The following EPHA5 variants were observed in gnomAD, a reference collection of about 807,000 sequenced individuals.
The protein encoded by EPHA5 is EPH receptor A5.
EPHA5 carries 60 observed loss-of-function variants against 105.0 expected under a neutral mutation model. The observed-to-expected ratio is 0.57, with a 90% CI of 0.46 to 0.71. EPHA5 has a LOEUF of 0.71. Ranked by LOEUF, EPHA5 falls within the 30% of genes least tolerant of loss-of-function variation. EPHA5 has a pLI of 0.00. For synonymous variants in EPHA5, 513 were observed against 449.1 expected (o/e 1.14, Z -1.80); for missense variants, 1,218 against 1,274.7 (o/e 0.96, Z 0.68).
chr4:65,537,452 C>T (rs1736396832), intron 3 of EPHA5, among the ~76,000 whole-genome samples: 1 of 151,776 alleles, frequency 6.6e-6, no homozygotes, highest in Admixed American at 6.6e-5. Context: ...AGAATGCTTA[C>T]CTACCCTATA....
At chr4:65,581,396 A>G (rs1172146137) in intron 3 of EPHA5, among the ~76,000 whole-genome samples, 1 of 151,714 alleles carries the variant, frequency 6.6e-6, no homozygotes, top group South Asian at 2.1e-4. Flanking sequence ...ATTAGAGGGT[A>G]AATTATTTTT....
intron 7 of EPHA5, among the ~76,000 whole-genome samples, chr4:65,407,761 T>TC: frequency 6.6e-6 from 1 of 151,516 alleles, no homozygotes; most frequent in Admixed American, 6.6e-5. Context: ...TTTTACATTT[T>TC]CTTTTTTTTG....
At chr4:65,541,749 A>T (rs1362045679) in intron 3 of EPHA5, among the ~76,000 whole-genome samples, 1 of 151,920 alleles carries the variant, frequency 6.6e-6, no homozygotes, top group African/African-American at 2.4e-5. Context: ...GATTAAGTGG[A>T]TTTATCTACA....
rs758487170 is a variant in EPHA5 at position 65,324,125 on chromosome 4, C to T, written c.3040G>A (p.Val1014Met). ...ACATTTACATGAAGTTACAATGGCA[C>T]CATTCCGTTTACCAGCTGCACCTTC... ...EMKVQLVNGMVPL is the reference protein window; with the variant it reads ...EMKVQLVNGMMPL Residue 1014 changes from valine to methionine, a missense_variant, in exon 17 of 17, where the codon GTG (valine) becomes ATG (methionine). This residue lies in a region of EPHA5 where 971 missense variants were observed against 1,013.5 expected (regional missense o/e 0.96). Coordinates refer to ENST00000613740, the MANE Select transcript of EPHA5 (RefSeq NM_001281766.3). The T allele has an allele frequency of 6.2e-7, 1 of 1,606,982 alleles. No individual in the cohort carries two copies. Among genetic ancestry groups the T allele is most frequent in the South Asian group, 1.1e-5 (1 of 90,796 alleles).
At chr4:65,664,059 T>C (rs1037024502) in intron 1 of EPHA5, among the ~76,000 whole-genome samples, 1 of 151,906 alleles carries the variant, frequency 6.6e-6, no homozygotes, top group African/African-American at 2.4e-5. Flanking sequence ...TCAAACACTT[T>C]AAAATCTATC....
chr4:65,655,527 A>G (rs1748980526), intron 1 of EPHA5, among the ~76,000 whole-genome samples: 2 of 152,132 alleles, frequency 1.3e-5, no homozygotes, highest in Admixed American at 1.3e-4. Context: ...TCAAATTGCA[A>G]TAATAGTCTC....
At chr4:65,421,204 C>T (rs1723915009) in intron 5 of EPHA5, among the ~76,000 whole-genome samples, 1 of 152,080 alleles carries the variant, frequency 6.6e-6, no homozygotes, top group African/African-American at 2.4e-5. Flanking sequence ...GAAACCACCA[C>T]TTGTCTAATG....
intron 4 of EPHA5, among the ~76,000 whole-genome samples, chr4:65,491,451 T>G (rs1336920692): frequency 6.6e-6 from 1 of 152,040 alleles, no homozygotes; most frequent in African/African-American, 2.4e-5. Flanking sequence ...ATAAAAGCGT[T>G]CAGATTTTGA....
intron 3 of EPHA5, among the ~76,000 whole-genome samples, chr4:65,556,107 G>C (rs990080451): frequency 3.3e-5 from 5 of 152,066 alleles, no homozygotes; most frequent in Admixed American, 2.6e-4. Flanking sequence ...CTATACCCTA[G>C]ATAAAATATC....
chr4:65,340,260 T>C (rs980759014), intron 14 of EPHA5, among the ~76,000 whole-genome samples: 1 of 152,132 alleles, frequency 6.6e-6, no homozygotes, highest in African/African-American at 2.4e-5. Context: ...TCTGAAAGTA[T>C]GGGTGTTATT....
At chr4:65,465,664 A>G (rs1177410247) in intron 5 of EPHA5, among the ~76,000 whole-genome samples, 1 of 152,178 alleles carries the variant, frequency 6.6e-6, no homozygotes, top group African/African-American at 2.4e-5. Context: ...GGAATATGAC[A>G]GATGTTGCCC....
intron 2 of EPHA5, among the ~76,000 whole-genome samples, chr4:65,617,937 A>C (rs1450295972): frequency 6.6e-6 from 1 of 152,212 alleles, no homozygotes; most frequent in Non-Finnish European, 1.5e-5. Flanking sequence ...ATAACATTTA[A>C]AAGCTTCAGC....
At chr4:65,569,889 A>G (rs1436691643) in intron 3 of EPHA5, among the ~76,000 whole-genome samples, 1 of 151,758 alleles carries the variant, frequency 6.6e-6, no homozygotes, top group Admixed American at 6.6e-5. Context: ...CTAGAGTTCA[A>G]TCAAATATTT....
intron 15 of EPHA5, among the ~76,000 whole-genome samples, chr4:65,333,438 A>T (rs1720840776): frequency 6.6e-6 from 1 of 151,500 alleles, no homozygotes; most frequent in African/African-American, 2.4e-5. Flanking sequence ...GGAAACATTC[A>T]GCCAACACCA....
rs10633855 is a variant in EPHA5, at chr4:65,348,815, A to ATTTTTTT, written c.2446-619_2446-613dup. ...TGTGTATATATATATATATATATAT[A>ATTTTTTT]TTTTTTTTTTTTTTTTTTGAGACAG... On this transcript the variant is annotated intron_variant, in intron 13 of 16. Transcript: ENST00000613740. 8.0e-4 allele frequency among the ~76,000 whole-genome samples: 51 copies of ATTTTTTT among 64,106 alleles called. 2 individuals carry two copies. The highest frequency in any genetic ancestry group is 1.7e-3 in the East Asian group (3 of 1,796). 42.1% of individuals were successfully genotyped at this position (64,106 alleles called of 152,430 possible).
At chr4:65,465,125 T>G (rs1728486418) in intron 5 of EPHA5, among the ~76,000 whole-genome samples, 1 of 152,044 alleles carries the variant, frequency 6.6e-6, no homozygotes, top group Admixed American at 6.6e-5. Flanking sequence ...AAAGGAGTCA[T>G]ATTAGCTGGT....
chr4:65,466,121 T>C (rs1169038431), intron 5 of EPHA5, among the ~76,000 whole-genome samples: 5 of 152,276 alleles, frequency 3.3e-5, no homozygotes, highest in African/African-American at 7.2e-5. Context: ...TGTGCATGTG[T>C]GTGGGCATGT....
At chr4:65,379,452 T>C (rs1719343955) in intron 8 of EPHA5, among the ~76,000 whole-genome samples, 1 of 151,766 alleles carries the variant, frequency 6.6e-6, no homozygotes, top group East Asian at 1.9e-4. Context: ...TGTTTTAAGA[T>C]GACATAAAAA....
chr4:65,349,559 G>T (rs1031583005), intron 13 of EPHA5, among the ~76,000 whole-genome samples: 3 of 152,068 alleles, frequency 2.0e-5, no homozygotes, highest in Admixed American at 6.6e-5. Context: ...GGAAGGGAAA[G>T]ATTTAATTTA....
Sources: allele counts gnomAD v4.1 joint callset (sites outside exome capture counted in the v4.1 genomes callset), GRCh38; gene constraint gnomAD v4.1.1; regional missense constraint gnomAD v4.1.1; transcripts MANE v1.5; gene names NCBI Gene and HGNC (gene_info 2026-07-23, HGNC 2026-07-21).